Variants in DPYD observed in about 807,000 individuals in gnomAD.
DPYD encodes the protein dihydropyrimidine dehydrogenase, also known as dihydropyrimidine dehydrogenase [NADP(+)].
Under a neutral mutation model 116.2 loss-of-function variants are expected in DPYD, and 109 were observed. That is an observed-to-expected ratio of 0.94 (90% CI 0.80 to 1.10). The LOEUF (loss-of-function observed/expected upper bound fraction) is 1.10. Among genes scored for constraint, DPYD ranks in the 50% least tolerant of loss-of-function variants. The pLI, the probability that DPYD is intolerant of heterozygous loss-of-function variation, is 0.00. For synonymous variants in DPYD, 440 were observed against 432.0 expected (o/e 1.02, Z -0.23); for missense variants, 1,302 against 1,254.5 (o/e 1.04, Z -0.57).
At chr1:97,658,156 T>C (rs1466475751) in intron 8 of DPYD, among the ~76,000 whole-genome samples, 2 of 152,176 alleles carry the variant, frequency 1.3e-5, no homozygotes, top group African/African-American at 4.8e-5. Context: ...CTGTTAATGC[T>C]CTATTACACA....
intron 2 of DPYD, among the ~76,000 whole-genome samples, chr1:97,877,894 A>C (rs1228885643): frequency 6.6e-6 from 1 of 152,014 alleles, no homozygotes; most frequent in Non-Finnish European, 1.5e-5. Flanking sequence ...TGTACTAATT[A>C]AGTGGATTTC....
chr1:97,356,806 C>T lies in DPYD; in HGVS notation c.2058+16755G>A, dbSNP rs1037187213. Among the ~76,000 whole-genome samples the T allele has an allele frequency of 3.3e-5, 5 of 152,278 alleles. 1 individual carries two copies. The highest frequency in any genetic ancestry group is 2.9e-5 in the Non-Finnish European group (2 of 68,016). ...TTTTCCAATGGTTATACTTGGCACC[C>T]TTGCTTAACATCAATTGACTATATA... On this transcript the variant is annotated intron_variant, in intron 16 of 22. Transcript: ENST00000370192.
At chr1:97,731,111 A>T (rs1663581750) in intron 4 of DPYD, among the ~76,000 whole-genome samples, 2 of 152,100 alleles carry the variant, frequency 1.3e-5, no homozygotes, top group African/African-American at 4.8e-5. Flanking sequence ...ATGCCAAAAG[A>T]CACATGATTA....
chr1:97,256,658 C>A (rs540314733), intron 18 of DPYD, among the ~76,000 whole-genome samples: 1 of 152,208 alleles, frequency 6.6e-6, no homozygotes, highest in South Asian at 2.1e-4. Flanking sequence ...ATTATCCAGT[C>A]TCAGGTATAT....
intron 13 of DPYD, among the ~76,000 whole-genome samples, chr1:97,459,001 A>T (rs187022503): frequency 6.6e-6 from 1 of 152,288 alleles, no homozygotes; most frequent in African/African-American, 2.4e-5. Flanking sequence ...GCAAAGAAAA[A>T]GCTACAAAAT....
At position 97,235,029 on chromosome 1, in the gene DPYD, CTGACCACT is replaced by C. The variant is rs768558498; in HGVS notation, c.2300-43_2300-36del. 7 of 1,613,406 alleles carry C rather than the reference CTGACCACT, an allele frequency of 4.3e-6. No homozygotes were observed. In the African/African-American group the frequency reaches 9.3e-5, roughly 22 times the overall value. Reference sequence around the variant, plus strand: ...ATCAGAATAATCAATGGTTAGCACACTGACCACTTGAGTATACTGTCTTATATTACTTC... The same window carrying C: ...ATCAGAATAATCAATGGTTAGCACACTGAGTATACTGTCTTATATTACTTC... On this transcript the variant is annotated intron_variant, in intron 18 of 22. Transcript: ENST00000370192.
intron 4 of DPYD, among the ~76,000 whole-genome samples, chr1:97,724,083 T>G (rs1357298165): frequency 1.3e-5 from 2 of 151,400 alleles, no homozygotes; most frequent in Non-Finnish European, 3.0e-5. Flanking sequence ...CTTGACAAAT[T>G]CAACATCCCT....
chr1:97,571,705 T>A (rs1197914620), intron 11 of DPYD, among the ~76,000 whole-genome samples: 1 of 151,928 alleles, frequency 6.6e-6, no homozygotes, highest in Non-Finnish European at 1.5e-5. Flanking sequence ...AACATGAATA[T>A]CTTCTCTTCT....
chr1:97,229,874 C>T (rs1661470885), intron 19 of DPYD, among the ~76,000 whole-genome samples: 1 of 151,980 alleles, frequency 6.6e-6, no homozygotes, highest in Non-Finnish European at 1.5e-5. Context: ...CTGGGCTATT[C>T]CCAGCTAGAG....
intron 5 of DPYD, among the ~76,000 whole-genome samples, chr1:97,707,905 T>C (rs1357817356): frequency 6.6e-6 from 1 of 152,098 alleles, no homozygotes; most frequent in Non-Finnish European, 1.5e-5. Context: ...ATAACAGTTC[T>C]TTATGAAGTA....
chr1:97,412,972 C>T (rs1570693698), intron 14 of DPYD, among the ~76,000 whole-genome samples: 1 of 152,092 alleles, frequency 6.6e-6, no homozygotes, highest in East Asian at 1.9e-4. Context: ...AGCCTATGTC[C>T]CCACATGTCT....
At chr1:97,849,788 A>T (rs2101561542) in intron 2 of DPYD, among the ~76,000 whole-genome samples, 1 of 152,330 alleles carries the variant, frequency 6.6e-6, no homozygotes, top group Non-Finnish European at 1.5e-5. Context: ...ACAAATTTAC[A>T]AATTTTATTT....
chr1:97,674,365 G>T (rs1199849587), intron 8 of DPYD, among the ~76,000 whole-genome samples: 1 of 152,024 alleles, frequency 6.6e-6, no homozygotes, highest in Non-Finnish European at 1.5e-5. Flanking sequence ...TCTTTCTCAT[G>T]CATTCTAAAA....
intron 2 of DPYD, among the ~76,000 whole-genome samples, chr1:97,865,392 A>G (rs61787783): frequency 0.072 from 10,999 of 151,944 alleles, 535 homozygotes; most frequent in South Asian, 0.11. Context: ...AAAATAATTT[A>G]TTTCAAAGAA....
chr1:97,837,936 C>T (rs1015147904), intron 2 of DPYD, among the ~76,000 whole-genome samples: 1 of 152,104 alleles, frequency 6.6e-6, no homozygotes, highest in African/African-American at 2.4e-5. Flanking sequence ...GTCTGAAATA[C>T]ATATCAAGTT....
At chr1:97,243,551 C>G (rs959168528) in intron 18 of DPYD, among the ~76,000 whole-genome samples, 5 of 151,752 alleles carry the variant, frequency 3.3e-5, no homozygotes, top group South Asian at 2.1e-4. Flanking sequence ...AACCACAATG[C>G]TATGCTGCTT....
At chr1:97,535,027 A>G (rs893764816) in intron 12 of DPYD, among the ~76,000 whole-genome samples, 1 of 152,118 alleles carries the variant, frequency 6.6e-6, no homozygotes, top group South Asian at 2.1e-4. Context: ...TATGATGACA[A>G]AGTTCTGTCT....
chr1:97,423,011 C>T (rs1674669440), intron 14 of DPYD, among the ~76,000 whole-genome samples: 1 of 151,854 alleles, frequency 6.6e-6, no homozygotes, highest in African/African-American at 2.4e-5. Flanking sequence ...TATCATACAT[C>T]AAGGTCCACA....
chr1:97,085,264 C>CAAG (rs1358853616), intron 21 of DPYD, among the ~76,000 whole-genome samples: 2 of 152,180 alleles, frequency 1.3e-5, no homozygotes, highest in African/African-American at 4.8e-5. Flanking sequence ...ATACAGGAAA[C>CAAG]TCTCTAGGCA....
Sources: gnomAD v4.1 joint callset for allele counts (sites outside exome capture counted in the v4.1 genomes callset) on GRCh38, gnomAD v4.1.1 for gene constraint, MANE v1.5 for transcripts, NCBI Gene and HGNC (gene_info 2026-07-23, HGNC 2026-07-21) for gene names.